The following CRB1 variants were observed in gnomAD, a reference collection of about 807,000 sequenced individuals.
CRB1 encodes the protein crumbs cell polarity complex component 1, also known as protein crumbs homolog 1.
CRB1 carries 83 observed loss-of-function variants against 120.0 expected under a neutral mutation model. The observed-to-expected ratio is 0.69, with a 90% confidence interval of 0.58 to 0.83. The LOEUF (loss-of-function observed/expected upper bound fraction) is 0.83. CRB1 is among the 40% of genes least tolerant of loss of function. CRB1 has a pLI of 0.00. For synonymous variants in CRB1, 625 were observed against 612.5 expected (o/e 1.02, Z -0.30); for missense variants, 1,699 against 1,687.6 (o/e 1.01, Z -0.12).
intron 5 of CRB1, among the ~76,000 whole-genome samples, chr1:197,407,912 A>G (rs1663499082): frequency 6.6e-6 from 1 of 152,192 alleles, no homozygotes; most frequent in Non-Finnish European, 1.5e-5. Flanking sequence ...AATAAAGACT[A>G]AAGTTGTCTT....
chr1:197,453,121 A>G (rs1230740825), intron 11 of CRB1, among the ~76,000 whole-genome samples: 1 of 151,896 alleles, frequency 6.6e-6, no homozygotes, highest in Non-Finnish European at 1.5e-5. Flanking sequence ...ACCCAATTAT[A>G]GAAGGACAAA....
Position 197,405,962 on chromosome 1 carries a change from GC to G in CRB1, c.1172-15032del, listed in dbSNP as rs1026705677. On this transcript the variant is annotated intron_variant, in intron 5 of 11. Coordinates refer to ENST00000367400, the MANE Select transcript of CRB1 (RefSeq NM_201253.3). Reference sequence around the variant, plus strand: ...GTCCGGGAGGGAGGTGGGGGGGTCAGCCCCCCGCCCGGCCAGCCGCCCCGTC... The same window carrying G: ...GTCCGGGAGGGAGGTGGGGGGGTCAGCCCCCGCCCGGCCAGCCGCCCCGTC... Among the ~76,000 whole-genome samples, 62 of 150,014 alleles carry G rather than the reference GC, an allele frequency of 4.1e-4. No individual in the cohort carries two copies. The South Asian group carries it at 4.9e-3, about 12-fold the overall frequency.
rs1182327064 is a variant in CRB1 at position 197,383,408 on chromosome 1, A to G, written c.1171+26395A>G. ...TTCTCTGCCTCTTGCAAATGCCTTT[A>G]CATGACTATGAATAAGTGTACCTGG... On this transcript the variant is annotated intron_variant, in intron 5 of 11. Transcript: ENST00000367400. 2.0e-5 allele frequency among the ~76,000 whole-genome samples: 3 copies of G among 152,298 alleles called. No individual in the cohort carries two copies. The East Asian group carries it at 5.8e-4, about 29-fold the overall frequency.
rs368152306 is a variant in CRB1 at position 197,427,798 on chromosome 1, G to A, written c.2473G>A (p.Glu825Lys). Residue 825 changes from glutamate (E) to lysine (K), a missense_variant, in exon 7 of 12, where the codon GAA becomes AAA. Physicochemically the swap from Glu to Lys is moderately conservative, Grantham distance 56. Coordinates refer to ENST00000367400, the MANE Select transcript of CRB1 (RefSeq NM_201253.3). ...GFISASTWKIEKGDVIYIGGL... is the reference protein window; with the variant it reads ...GFISASTWKIKKGDVIYIGGL... ...TATTTCTGCTTCTACGTGGAAAATC[G>A]AAAAGGGAGATGTCATCTACATTGG... 1.4e-5 allele frequency: 23 copies of A among 1,613,784 alleles called. No homozygotes were observed. Among genetic ancestry groups the A allele is most frequent in the East Asian group, 1.3e-4 (6 of 44,882 alleles).
chr1:197,408,958 AG>A (rs1468309107), intron 5 of CRB1, among the ~76,000 whole-genome samples: 1 of 152,214 alleles, frequency 6.6e-6, no homozygotes. Flanking sequence ...TGCAAAATCA[AG>A]TGAAATGTGA....
intron 11 of CRB1, among the ~76,000 whole-genome samples, chr1:197,448,376 C>T (rs1665802116): frequency 6.6e-6 from 1 of 152,210 alleles, no homozygotes; most frequent in African/African-American, 2.4e-5. Flanking sequence ...AGGAGTTCCA[C>T]TGGTCTAGTG....
intron 1 of CRB1, among the ~76,000 whole-genome samples, chr1:197,304,097 G>A (rs999699788): frequency 3.9e-5 from 6 of 152,132 alleles, no homozygotes; most frequent in African/African-American, 1.4e-4. Flanking sequence ...TTTACTAAAT[G>A]GAGAAGCTAT....
chr1:197,433,608 G>A (rs1488881640), intron 8 of CRB1, among the ~76,000 whole-genome samples: 2 of 152,080 alleles, frequency 1.3e-5, no homozygotes, highest in South Asian at 2.1e-4. Context: ...AGACAAAAAA[G>A]CAGCAGGATT....
intron 11 of CRB1, among the ~76,000 whole-genome samples, chr1:197,466,597 T>A (rs1666760177): frequency 6.6e-6 from 1 of 152,188 alleles, no homozygotes; most frequent in Non-Finnish European, 1.5e-5. Context: ...CTAAAGCTCC[T>A]CTGACATGGA....
At chr1:197,226,106 G>T in the CRB1 span, among the ~76,000 whole-genome samples, 2 of 151,874 alleles carry the variant, frequency 1.3e-5, no homozygotes, top group Non-Finnish European at 2.9e-5. Flanking sequence ...ATGGGGTTTC[G>T]CCATGTTGCC....
chr1:197,442,524 C>A, intron 11 of CRB1: 1 of 1,451,004 alleles, frequency 6.9e-7, no homozygotes, highest in South Asian at 1.5e-5. Context: ...AAAACCATCT[C>A]AATAATTAAG....
chr1:197,348,383 G>T (rs1368943478), intron 4 of CRB1, among the ~76,000 whole-genome samples: 1 of 152,098 alleles, frequency 6.6e-6, no homozygotes, highest in Non-Finnish European at 1.5e-5. Flanking sequence ...CCTAGACTAT[G>T]GTGTGTGCTT....
chr1:197,420,937 A>G, intron 5 of CRB1, 63 bp from the exon 6 acceptor site: 1 of 1,062,428 alleles, frequency 9.4e-7, no homozygotes, highest in Admixed American at 1.7e-5. Context: ...CAAGTAAATT[A>G]CGTGAAACTT....
At chr1:197,416,970 G>A (rs955234784) in intron 5 of CRB1, among the ~76,000 whole-genome samples, 5 of 152,210 alleles carry the variant, frequency 3.3e-5, no homozygotes, top group African/African-American at 1.2e-4. Context: ...GGCCTCCAAA[G>A]TGCTGGGATT....
intron 5 of CRB1, among the ~76,000 whole-genome samples, chr1:197,386,365 T>A (rs1477780017): frequency 6.6e-6 from 1 of 152,128 alleles, no homozygotes; most frequent in African/African-American, 2.4e-5. Context: ...ATCATACTCT[T>A]TAAGATTTAG....
chr1:197,217,883 A>C, the CRB1 span, among the ~76,000 whole-genome samples: 1 of 152,240 alleles, frequency 6.6e-6, no homozygotes, highest in Non-Finnish European at 1.5e-5. Flanking sequence ...AATAATTTTT[A>C]TGTGAAAAAC....
intron 1 of CRB1, among the ~76,000 whole-genome samples, chr1:197,324,634 G>T (rs1325188877): frequency 2.6e-5 from 4 of 152,160 alleles, no homozygotes; most frequent in African/African-American, 9.7e-5. Context: ...AACTGAGGCA[G>T]AGCGATGTTA....
intron 4 of CRB1, among the ~76,000 whole-genome samples, chr1:197,353,973 A>G (rs375982202): frequency 2.6e-5 from 4 of 151,262 alleles, no homozygotes; most frequent in African/African-American, 9.7e-5. Flanking sequence ...TTACAAATCA[A>G]TATGGAAAAC....
chr1:197,377,338 G>A (rs1035526355), intron 5 of CRB1, among the ~76,000 whole-genome samples: 4 of 152,096 alleles, frequency 2.6e-5, no homozygotes, highest in African/African-American at 9.7e-5. Flanking sequence ...GCCCATAACA[G>A]GAGGCCCAAC....
Sources: allele counts gnomAD v4.1 joint callset (sites outside exome capture counted in the v4.1 genomes callset), GRCh38; gene constraint gnomAD v4.1.1; transcripts MANE v1.5; gene names NCBI Gene and HGNC (gene_info 2026-07-23, HGNC 2026-07-21).